The following CACNA1A variants were observed in gnomAD, a reference collection of about 807,000 sequenced individuals.
The protein encoded by CACNA1A is calcium voltage-gated channel subunit alpha1 A, also known as voltage-dependent P/Q-type calcium channel subunit alpha-1A.
CACNA1A carries 57 observed loss-of-function variants against 262.4 expected under a neutral mutation model. That is an observed-to-expected ratio of 0.22 (90% CI 0.18 to 0.27). The LOEUF (loss-of-function observed/expected upper bound fraction) is 0.27. Ranked by LOEUF, CACNA1A falls within the 10% of genes least tolerant of loss-of-function variation. The pLI is 1.00. For synonymous variants in CACNA1A, 1,431 were observed against 1,419.3 expected (o/e 1.01, Z -0.18); for missense variants, 2,526 against 3,562.8 (o/e 0.71, Z 7.41).
intron 3 of CACNA1A, among the ~76,000 whole-genome samples, chr19:13,385,169 T>C (rs978641005): frequency 1.3e-5 from 2 of 152,146 alleles, no homozygotes; most frequent in Admixed American, 6.5e-5. Flanking sequence ...GAAAGTTCCA[T>C]TGGACTTTGA....
intron 6 of CACNA1A, among the ~76,000 whole-genome samples, chr19:13,344,221 C>CAAAAAAAAA (rs35162704): frequency 2.3e-4 from 28 of 121,244 alleles, no homozygotes; most frequent in Non-Finnish European, 2.8e-4. Flanking sequence ...CTCAAAAAAG[C>CAAAAAAAAA]AAAAAAAAAA....
Position 13,224,773 on chromosome 19 carries a change from C to T in CACNA1A, c.5626-1G>A. On this transcript the variant is annotated splice_acceptor_variant, in intron 37 of 46. Transcript: ENST00000360228. LOFTEE classifies it high-confidence loss of function. ...CGGGCAGGTCCATCCGCAGAAGCCGCTACAGAAAACCCAAGGCAAGCGCAG... is the reference window on the plus strand; with the variant it reads ...CGGGCAGGTCCATCCGCAGAAGCCGTTACAGAAAACCCAAGGCAAGCGCAG... The T allele has an allele frequency of 6.2e-7, 1 of 1,602,976 alleles. No homozygotes were observed. Among genetic ancestry groups the T allele is most frequent in the Non-Finnish European group, 8.5e-7 (1 of 1,174,774 alleles).
intron 6 of CACNA1A, among the ~76,000 whole-genome samples, chr19:13,346,101 G>A (rs1307340308): frequency 2.0e-5 from 3 of 151,874 alleles, no homozygotes; most frequent in Admixed American, 6.6e-5. Flanking sequence ...ACGGGGTTTC[G>A]CCATGTTGGC....
At chr19:13,234,611 C>G (rs551680681) in intron 34 of CACNA1A, among the ~76,000 whole-genome samples, 1 of 152,068 alleles carries the variant, frequency 6.6e-6, no homozygotes, top group East Asian at 1.9e-4. Flanking sequence ...GATTCCTGGG[C>G]CCCCCACGAC....
chr19:13,235,052 G>T lies in CACNA1A; in HGVS notation c.5134-16C>A. ...TACCAAACACCTGTGGAATTGGAGG[G>T]TGACGACCAGGGGCTGCCATTCCTC... On this transcript the variant is annotated splice_polypyrimidine_tract_variant and intron_variant, in intron 33 of 46. Transcript: ENST00000360228. The T allele has an allele frequency of 6.3e-7, 1 of 1,588,806 alleles. No individual in the cohort carries two copies. The highest frequency in any genetic ancestry group is 8.6e-7 in the Non-Finnish European group (1 of 1,157,012).
chr19:13,327,660 G>A (rs1345530757), intron 10 of CACNA1A, among the ~76,000 whole-genome samples: 3 of 151,298 alleles, frequency 2.0e-5, no homozygotes, highest in Non-Finnish European at 2.9e-5. Flanking sequence ...TGCAGCCTCC[G>A]CCTCCCGGGT....
rs1401021857 is a variant in CACNA1A at position 13,207,110 on chromosome 19, C to G, written c.*203G>C. ...CGGGGCTGGTTGGGGGGCGCCGTGG[C>G]TGCCCAGGAGGGTCTCTTTTGGCCG... On this transcript the variant is annotated 3_prime_UTR_variant, in exon 47 of 47. Transcript: ENST00000360228. The surrounding 1 kb of genome is among the most constrained non-coding windows in gnomAD (Gnocchi z 5.7). 1 of 482,330 alleles carries G rather than the reference C, an allele frequency of 2.1e-6. No homozygotes were observed. Among genetic ancestry groups the G allele is most frequent in the Non-Finnish European group, 3.5e-6 (1 of 287,856 alleles). The allele number at this position is 482,330 out of a possible 1,614,324, so 29.9% of individuals were successfully genotyped here.
In CACNA1A at chr19:13,298,999, G is replaced by A; in HGVS notation, c.2634C>T (p.Asp878=). 6.3e-7 allele frequency: 1 copy of A among 1,575,740 alleles called. No individual in the cohort carries two copies. The highest frequency in any genetic ancestry group is 8.6e-7 in the Non-Finnish European group (1 of 1,168,368). Residue 878 remains aspartate (D), a synonymous_variant, in exon 19 of 47, where the codon GAC becomes GAT. Transcript: ENST00000360228. ...GGCTTCCCGCCCAGGGCCTCCGTGC[G>A]TCCAGGCCCGCCGAGCCGCTGGGGT... The part of the protein sequence containing the change: ...ARDPSGSAGL[D]ARRPWAGSQE...
At position 13,209,013 on chromosome 19, in the gene CACNA1A, G is replaced by A; in HGVS notation, c.6527-4C>T. On this transcript the variant is annotated splice_polypyrimidine_tract_variant and splice_region_variant and intron_variant, in intron 45 of 46. Transcript: ENST00000360228. Reference sequence around the variant, plus strand: ...ATGCTCAGGTCTGTCCCCAAGCCTGGGCCGGGTGAGGGTCAGACAGACACA... The same window carrying A: ...ATGCTCAGGTCTGTCCCCAAGCCTGAGCCGGGTGAGGGTCAGACAGACACA... 2 of 1,537,056 alleles carry A rather than the reference G, an allele frequency of 1.3e-6. No homozygotes were observed. Among genetic ancestry groups the A allele is most frequent in the East Asian group, 2.4e-5 (1 of 40,908 alleles).
chr19:13,277,313 T>G (rs2057174575), intron 22 of CACNA1A, 185 bp from the exon 23 acceptor site: 1 of 530,416 alleles, frequency 1.9e-6, no homozygotes, highest in African/African-American at 1.9e-5. Flanking sequence ...ATACTGCAGA[T>G]TTGTATGTTG....
chr19:13,482,901 T>G (rs1192134455), intron 1 of CACNA1A, among the ~76,000 whole-genome samples: 1 of 151,546 alleles, frequency 6.6e-6, no homozygotes, highest in East Asian at 1.9e-4. Context: ...TGTGTCTTTG[T>G]GAGTCTCAGT....
intron 1 of CACNA1A, among the ~76,000 whole-genome samples, chr19:13,493,049 G>C (rs1981085796): frequency 6.6e-6 from 1 of 152,142 alleles, no homozygotes; most frequent in Non-Finnish European, 1.5e-5. Context: ...AGAGAGAAGG[G>C]GAGGCCGCCG....
chr19:13,358,756 G>T (rs1452534522), intron 6 of CACNA1A, among the ~76,000 whole-genome samples: 1 of 152,106 alleles, frequency 6.6e-6, no homozygotes, highest in Non-Finnish European at 1.5e-5. Flanking sequence ...CATACTACGG[G>T]GAAATATTGA....
chr19:13,429,363 C>A (rs1340633664), intron 3 of CACNA1A, among the ~76,000 whole-genome samples: 1 of 151,766 alleles, frequency 6.6e-6, no homozygotes, highest in Non-Finnish European at 1.5e-5. Flanking sequence ...GATGTCACAG[C>A]CGCTTCCTAA....
rs763418105 is a variant in CACNA1A at position 13,245,304 on chromosome 19, G to A, written c.4867-39C>T. ...CCACAAGACAGAGATGCCAACAGAG[G>A]GCTTGGTTCCCGGCCCCCTAGGCTG... On this transcript the variant is annotated intron_variant, in intron 30 of 46. Coordinates refer to ENST00000360228, the MANE Select transcript of CACNA1A (RefSeq NM_001127222.2). 3.2e-6 allele frequency: 5 copies of A among 1,567,944 alleles called. No homozygotes were observed. The Middle Eastern group carries it at 5.0e-4, about 158-fold the overall frequency.
chr19:13,319,768 C>G (rs1264339309), intron 10 of CACNA1A, among the ~76,000 whole-genome samples: 1 of 152,168 alleles, frequency 6.6e-6, no homozygotes, highest in Non-Finnish European at 1.5e-5. Flanking sequence ...AGGCACCAGG[C>G]ACTGCAGGGA....
Position 13,346,116 on chromosome 19 carries a change from C to T in CACNA1A, c.979-10207G>A, listed in dbSNP as rs528163056. 7.9e-5 allele frequency among the ~76,000 whole-genome samples: 12 copies of T among 152,232 alleles called. No homozygotes were observed. The South Asian group carries it at 2.3e-3, about 29-fold the overall frequency. ...ACGGGGTTTCGCCATGTTGGCCAGG[C>T]TGGTCTGGAACTCTTGACCTTGTGA... On this transcript the variant is annotated intron_variant, in intron 6 of 46. Transcript: ENST00000360228.
chr19:13,503,971 G>T (rs539901797), intron 1 of CACNA1A, among the ~76,000 whole-genome samples: 3 of 152,052 alleles, frequency 2.0e-5, no homozygotes. Context: ...CAATCTGCAG[G>T]ATTCAGGCTG....
At chr19:13,283,851 C>A (rs1359812671) in intron 21 of CACNA1A, 1 of 153,228 alleles carries the variant, frequency 6.5e-6, no homozygotes, top group Non-Finnish European at 1.4e-5. Context: ...TGCCTTGGTG[C>A]CCTCATCTGT....
Sources: gnomAD v4.1 joint callset for allele counts (sites outside exome capture counted in the v4.1 genomes callset) on GRCh38, gnomAD v4.1.1 for gene constraint, Gnocchi (gnomAD v3.1) non-coding constraint, MANE v1.5 for transcripts, NCBI Gene and HGNC (gene_info 2026-07-23, HGNC 2026-07-21) for gene names.